GNAQ: variants seen among roughly 807,000 people sequenced by gnomAD.
GNAQ encodes the protein G protein subunit alpha q.
GNAQ carries 8 observed loss-of-function variants against 43.9 expected under a neutral mutation model. The ratio of observed to expected loss-of-function variants is 0.18; its 90% CI spans 0.11 to 0.33. The LOEUF is 0.33. Among genes scored for constraint, GNAQ ranks in the 10% least tolerant of loss-of-function variants. The pLI, the probability that GNAQ is intolerant of heterozygous loss-of-function variation, is 1.00. For missense variants in GNAQ, 158 were observed against 450.8 expected (o/e 0.35, Z 5.88); for synonymous variants, 155 against 170.7 (o/e 0.91, Z 0.71).
At chr9:77,915,839 C>G (rs1415712793) in intron 2 of GNAQ, among the ~76,000 whole-genome samples, 1 of 152,108 alleles carries the variant, frequency 6.6e-6, no homozygotes, top group African/African-American at 2.4e-5. Flanking sequence ...ATGGAGAATC[C>G]ATGTGTCACT....
intron 1 of GNAQ, among the ~76,000 whole-genome samples, chr9:77,986,925 G>A (rs527629045): frequency 6.7e-6 from 1 of 150,156 alleles, no homozygotes; most frequent in Admixed American, 6.7e-5. Context: ...TGAGGATAAA[G>A]ATTTTATTCT....
At chr9:77,771,162 G>C (rs547545577) in intron 5 of GNAQ, among the ~76,000 whole-genome samples, 25 of 152,226 alleles carry the variant, frequency 1.6e-4, no homozygotes, top group African/African-American at 5.3e-4. Flanking sequence ...CTGAATGCAA[G>C]CTCTTTTAAA....
chr9:77,851,625 T>C (rs1335664130), intron 2 of GNAQ, among the ~76,000 whole-genome samples: 3 of 152,204 alleles, frequency 2.0e-5, no homozygotes, highest in East Asian at 1.9e-4. Flanking sequence ...CTAGTAACTG[T>C]GTCCTGCCTC....
intron 1 of GNAQ, among the ~76,000 whole-genome samples, chr9:77,929,247 G>T (rs1176688563): frequency 6.6e-6 from 1 of 152,072 alleles, no homozygotes; most frequent in Non-Finnish European, 1.5e-5. Flanking sequence ...TGGAGAAAAG[G>T]TGTGAGAAGC....
chr9:77,749,816 T>C (rs1443905655), intron 5 of GNAQ, among the ~76,000 whole-genome samples: 1 of 152,096 alleles, frequency 6.6e-6, no homozygotes, highest in African/African-American at 2.4e-5. Context: ...CTCAATTCCA[T>C]CCCATCCTCC....
chr9:77,835,756 G>A (rs985498556), intron 2 of GNAQ, among the ~76,000 whole-genome samples: 1 of 152,166 alleles, frequency 6.6e-6, no homozygotes, highest in Non-Finnish European at 1.5e-5. Flanking sequence ...CCTACGAATT[G>A]CAGAGCCAAG....
At chr9:77,822,707 G>T (rs964024161) in intron 2 of GNAQ, among the ~76,000 whole-genome samples, 5 of 150,904 alleles carry the variant, frequency 3.3e-5, no homozygotes. Context: ...AACATCCCAT[G>T]TGAAATCTGA....
intron 1 of GNAQ, among the ~76,000 whole-genome samples, chr9:77,987,003 T>C (rs1564171310): frequency 6.6e-6 from 1 of 152,104 alleles, no homozygotes; most frequent in South Asian, 2.1e-4. Context: ...AAGAAATGGT[T>C]CCTAAGTGAT....
At chr9:77,808,869 AAAAACAAAACAAAAC>A (rs568207074) in intron 3 of GNAQ, among the ~76,000 whole-genome samples, 20 of 151,790 alleles carry the variant, frequency 1.3e-4, no homozygotes, top group Non-Finnish European at 2.5e-4. Flanking sequence ...TAAACTTAAA[AAAAACAAAACAAAAC>A]AAAACAAAAC....
intron 5 of GNAQ, among the ~76,000 whole-genome samples, chr9:77,770,981 A>G (rs1826214513): frequency 6.6e-6 from 1 of 152,142 alleles, no homozygotes; most frequent in Non-Finnish European, 1.5e-5. Flanking sequence ...CAGATCATGA[A>G]AAATAAAACA....
At chr9:77,819,016 A>C (rs866075003) in intron 2 of GNAQ, among the ~76,000 whole-genome samples, 6 of 150,604 alleles carry the variant, frequency 4.0e-5, no homozygotes, top group Non-Finnish European at 5.9e-5. Flanking sequence ...AAAAAAAAAA[A>C]AAAAAAAAAA....
intron 1 of GNAQ, among the ~76,000 whole-genome samples, chr9:77,941,677 T>C (rs989257141): frequency 6.6e-6 from 1 of 152,114 alleles, no homozygotes; most frequent in Non-Finnish European, 1.5e-5. Context: ...CACAGTTGAT[T>C]AAAAGCATCA....
At chr9:77,758,168 C>T (rs998409894) in intron 5 of GNAQ, among the ~76,000 whole-genome samples, 3 of 152,338 alleles carry the variant, frequency 2.0e-5, no homozygotes, top group South Asian at 2.1e-4. Context: ...TGCTGCGCCA[C>T]GCAAAGACAT....
intron 1 of GNAQ, among the ~76,000 whole-genome samples, chr9:77,929,396 T>A (rs973810125): frequency 1.3e-5 from 2 of 152,246 alleles, no homozygotes; most frequent in African/African-American, 4.8e-5. Flanking sequence ...TGTGTCCTCA[T>A]ACACTAAACA....
At chr9:77,996,404 G>A (rs1236093907) in intron 1 of GNAQ, among the ~76,000 whole-genome samples, 1 of 152,132 alleles carries the variant, frequency 6.6e-6, no homozygotes, top group Non-Finnish European at 1.5e-5. Flanking sequence ...AATTGGCTAG[G>A]CGCGGTGGCT....
At chr9:77,764,823 T>C (rs561619212) in intron 5 of GNAQ, among the ~76,000 whole-genome samples, 1 of 152,276 alleles carries the variant, frequency 6.6e-6, no homozygotes, top group East Asian at 1.9e-4. Flanking sequence ...ATAAAACCCC[T>C]GCATCAAATC....
intron 2 of GNAQ, among the ~76,000 whole-genome samples, chr9:77,901,513 A>T (rs1287664821): frequency 6.6e-6 from 1 of 152,136 alleles, no homozygotes; most frequent in Non-Finnish European, 1.5e-5. Flanking sequence ...CACCTGGCAG[A>T]GCCGTCCTGC....
intron 1 of GNAQ, among the ~76,000 whole-genome samples, chr9:78,025,654 TTC>T (rs1823969009): frequency 6.6e-6 from 1 of 152,212 alleles, no homozygotes; most frequent in African/African-American, 2.4e-5. Context: ...TCCCTCCACC[TTC>T]TGAGGGAGAA....
intron 2 of GNAQ, among the ~76,000 whole-genome samples, chr9:77,867,160 C>T (rs1381454426): frequency 6.6e-6 from 1 of 152,186 alleles, no homozygotes; most frequent in Non-Finnish European, 1.5e-5. Context: ...AGCTACAATG[C>T]CCCTGGCCCC....
Sources: gnomAD v4.1 joint callset for allele counts (sites outside exome capture counted in the v4.1 genomes callset) on GRCh38, gnomAD v4.1.1 for gene constraint, MANE v1.5 for transcripts, NCBI Gene and HGNC (gene_info 2026-07-23, HGNC 2026-07-21) for gene names.